Variants in OPCML observed in about 807,000 individuals in gnomAD.
The protein encoded by OPCML is opioid-binding protein/cell adhesion molecule.
Under a neutral mutation model 37.8 loss-of-function variants are expected in OPCML, and 13 were observed. The ratio of observed to expected loss-of-function variants is 0.34; its 90% CI spans 0.22 to 0.55. The LOEUF (loss-of-function observed/expected upper bound fraction) is 0.55, where lower values mean the gene tolerates loss of function less well. Ranked by LOEUF, OPCML falls within the 20% of genes least tolerant of loss-of-function variation. The probability of loss-of-function intolerance (pLI) is 0.91; values close to 1 mark genes in which losing one functional copy is unlikely to be tolerated. For missense variants in OPCML, 341 were observed against 435.6 expected (o/e 0.78, Z 1.93); for synonymous variants, 176 against 168.8 (o/e 1.04, Z -0.33).
At chr11:132,534,489 TGA>T (rs1164389023) in intron 3 of OPCML, among the ~76,000 whole-genome samples, 2 of 152,198 alleles carry the variant, frequency 1.3e-5, no homozygotes, top group African/African-American at 4.8e-5. Flanking sequence ...TGTGTACTTG[TGA>T]GAGAGAAGAC....
chr11:133,164,467 G>A (rs1192538273), intron 1 of OPCML, among the ~76,000 whole-genome samples: 1 of 152,192 alleles, frequency 6.6e-6, no homozygotes, highest in Admixed American at 6.5e-5. Context: ...CTTACCCTGG[G>A]AAAATGTCCA....
chr11:133,381,436 T>G (rs1442754659), intron 1 of OPCML, among the ~76,000 whole-genome samples: 1 of 152,212 alleles, frequency 6.6e-6, no homozygotes, highest in African/African-American at 2.4e-5. Context: ...AGAGTGTGTT[T>G]GGGATATGAT....
At chr11:133,302,899 G>T (rs772355385) in intron 1 of OPCML, among the ~76,000 whole-genome samples, 116 of 152,210 alleles carry the variant, frequency 7.6e-4, no homozygotes, top group Non-Finnish European at 1.2e-3. Flanking sequence ...AATTAAGAAA[G>T]ATCACACAAA....
chr11:133,398,584 A>C (rs1327940708), intron 1 of OPCML, among the ~76,000 whole-genome samples: 1 of 151,414 alleles, frequency 6.6e-6, no homozygotes, highest in East Asian at 1.9e-4. Context: ...TTCAAGGCGA[A>C]GGATAAGACT....
intron 1 of OPCML, among the ~76,000 whole-genome samples, chr11:133,437,519 C>T (rs1946259530): frequency 6.6e-6 from 1 of 152,160 alleles, no homozygotes; most frequent in Non-Finnish European, 1.5e-5. Flanking sequence ...AGACCTCTCA[C>T]ACCTCAGCCA....
chr11:132,877,700 G>C (rs1015259600), intron 2 of OPCML, among the ~76,000 whole-genome samples: 1 of 152,154 alleles, frequency 6.6e-6, no homozygotes, highest in South Asian at 2.1e-4. Flanking sequence ...GAAATCTGTA[G>C]TATATTCACT....
intron 1 of OPCML, among the ~76,000 whole-genome samples, chr11:133,164,853 A>G (rs1311619435): frequency 2.0e-5 from 3 of 152,186 alleles, no homozygotes; most frequent in Admixed American, 6.5e-5. Flanking sequence ...ATAGAATTCC[A>G]AACCAAACTG....
intron 4 of OPCML, among the ~76,000 whole-genome samples, chr11:132,454,780 T>A (rs2096077342): frequency 6.6e-6 from 1 of 152,178 alleles, no homozygotes; most frequent in Non-Finnish European, 1.5e-5. Context: ...CACCAGCACA[T>A]AAATTGCTTC....
At chr11:133,064,016 T>TTTTC (rs55825694) in intron 1 of OPCML, among the ~76,000 whole-genome samples, 113 of 152,148 alleles carry the variant, frequency 7.4e-4, no homozygotes, top group Middle Eastern at 3.4e-3. Flanking sequence ...ATGGCTTTAA[T>TTTTC]TTTCTTTCTT....
intron 3 of OPCML, among the ~76,000 whole-genome samples, chr11:132,603,307 A>T (rs1011612341): frequency 1.3e-5 from 2 of 151,882 alleles, no homozygotes; most frequent in Non-Finnish European, 2.9e-5. Flanking sequence ...GCCAGTACCT[A>T]CTCCTGTGCT....
At chr11:132,589,724 A>G (rs567471391) in intron 3 of OPCML, among the ~76,000 whole-genome samples, 8 of 152,290 alleles carry the variant, frequency 5.3e-5, no homozygotes, top group Non-Finnish European at 1.2e-4. Flanking sequence ...AGGAGGAGAG[A>G]ATAGGAGAAT....
At chr11:132,983,272 C>T (rs1364817307) in intron 1 of OPCML, among the ~76,000 whole-genome samples, 1 of 152,230 alleles carries the variant, frequency 6.6e-6, no homozygotes, top group African/African-American at 2.4e-5. Context: ...AAAAACACAG[C>T]CCAAGCCAGC....
chr11:133,079,570 C>A (rs1948676296), intron 1 of OPCML, among the ~76,000 whole-genome samples: 2 of 150,670 alleles, frequency 1.3e-5, no homozygotes, highest in Admixed American at 6.6e-5. Flanking sequence ...TCTGGGGTGA[C>A]AAAAAAATGA....
At chr11:132,571,051 C>A (rs1310617622) in intron 3 of OPCML, among the ~76,000 whole-genome samples, 1 of 151,852 alleles carries the variant, frequency 6.6e-6, no homozygotes, top group Non-Finnish European at 1.5e-5. Flanking sequence ...ATTCGGCTGC[C>A]AGCCTGGCTA....
At chr11:133,024,675 G>T (rs138388786) in intron 1 of OPCML, 12,684 of 842,338 alleles carry the variant, frequency 0.015, 133 homozygotes, top group Non-Finnish European at 0.017. Flanking sequence ...AAGATGTTTG[G>T]TCTATGAAAG....
At chr11:132,568,928 A>G (rs188679973) in intron 3 of OPCML, among the ~76,000 whole-genome samples, 105 of 152,388 alleles carry the variant, frequency 6.9e-4, no homozygotes, top group African/African-American at 2.3e-3. Context: ...GTTGTGATAT[A>G]CAAAAACATC....
At chr11:132,538,369 T>TA (rs2096346478) in intron 3 of OPCML, among the ~76,000 whole-genome samples, 1 of 152,194 alleles carries the variant, frequency 6.6e-6, no homozygotes, top group East Asian at 1.9e-4. Context: ...TCCATAAAGA[T>TA]AAAAAATGCA....
chr11:132,841,852 C>CTCTA, intron 2 of OPCML, among the ~76,000 whole-genome samples: 1 of 91,584 alleles, frequency 1.1e-5, no homozygotes, highest in Non-Finnish European at 2.0e-5. Flanking sequence ...CAGAATGACA[C>CTCTA]TCTATCTCAA....
rs114996419 is a variant in OPCML, at chr11:133,478,350, G to A, written c.61+53914C>T. Among the ~76,000 whole-genome samples the A allele has an allele frequency of 6.3e-3, 965 of 152,256 alleles. 12 individuals carry two copies. The highest frequency in any genetic ancestry group is 0.022 in the African/African-American group (917 of 41,538). ...CAGAGAAGTTCCCCAGTCCATTTTA[G>A]CGAGGAAGAGGTTTGACTCCGAGTA... On this transcript the variant is annotated intron_variant, in intron 1 of 7. Coordinates refer to ENST00000524381, the MANE Select transcript of OPCML (RefSeq NM_001012393.5).
Sources: allele counts gnomAD v4.1 joint callset (sites outside exome capture counted in the v4.1 genomes callset), GRCh38; gene constraint gnomAD v4.1.1; transcripts MANE v1.5; gene names NCBI Gene and HGNC (gene_info 2026-07-23, HGNC 2026-07-21).